ALK: variants seen among roughly 807,000 people sequenced by gnomAD.
The protein encoded by ALK is ALK receptor tyrosine kinase, also known as ALK tyrosine kinase receptor.
ALK carries 74 observed loss-of-function variants against 163.1 expected under a neutral mutation model. That is an observed-to-expected ratio of 0.45 (90% CI 0.38 to 0.55). The LOEUF (loss-of-function observed/expected upper bound fraction) is 0.55. Ranked by LOEUF, ALK falls within the 20% of genes least tolerant of loss-of-function variation. The pLI, the probability that ALK is intolerant of heterozygous loss-of-function variation, is 0.00. For missense variants in ALK, 2,063 were observed against 2,105.3 expected, an observed-to-expected ratio of 0.98 and a Z score of 0.39; for synonymous variants, 960 against 843.2, an observed-to-expected ratio of 1.14 and a Z score of -2.40.
At chr2:29,776,258 C>A (rs1681174019) in intron 1 of ALK, among the ~76,000 whole-genome samples, 2 of 146,948 alleles carry the variant, frequency 1.4e-5, no homozygotes, top group Admixed American at 6.7e-5. Context: ...AAAGAAGCTT[C>A]TTACTCCCAC....
At chr2:29,298,902 C>G (rs879651565) in intron 8 of ALK, among the ~76,000 whole-genome samples, 2 of 152,210 alleles carry the variant, frequency 1.3e-5, no homozygotes, top group African/African-American at 2.4e-5. Context: ...CTTTCCCCAG[C>G]ATCTCAGAGT....
chr2:29,584,627 T>C (rs1674828252), intron 3 of ALK, among the ~76,000 whole-genome samples: 1 of 152,210 alleles, frequency 6.6e-6, no homozygotes, highest in Non-Finnish European at 1.5e-5. Flanking sequence ...ATACTTTTCT[T>C]CACAGAGAAA....
intron 3 of ALK, among the ~76,000 whole-genome samples, chr2:29,603,249 A>G (rs542649873): frequency 2.0e-4 from 30 of 152,212 alleles, no homozygotes; most frequent in Non-Finnish European, 3.4e-4. Context: ...GTTTCAGCTA[A>G]TCTTGTCAGG....
intron 3 of ALK, among the ~76,000 whole-genome samples, chr2:29,582,271 T>A (rs928918007): frequency 3.3e-5 from 5 of 152,148 alleles, no homozygotes; most frequent in African/African-American, 1.2e-4. Flanking sequence ...AGGAGGAAGA[T>A]ATTTGAATAG....
intron 1 of ALK, among the ~76,000 whole-genome samples, chr2:29,773,235 C>CACAT (rs150326524): frequency 0.069 from 10,397 of 150,078 alleles, 1,210 homozygotes; most frequent in African/African-American, 0.24. Flanking sequence ...AGTAAATGTA[C>CACAT]ACACACACAC....
intron 1 of ALK, among the ~76,000 whole-genome samples, chr2:29,733,974 T>G (rs1433909511): frequency 6.6e-6 from 1 of 152,178 alleles, no homozygotes. Flanking sequence ...GTAGATGGCC[T>G]GAACTTGGAG....
chr2:29,710,446 A>T (rs1247368561), intron 2 of ALK, among the ~76,000 whole-genome samples: 2 of 150,576 alleles, frequency 1.3e-5, no homozygotes, highest in Non-Finnish European at 3.0e-5. Flanking sequence ...AACATCCTGG[A>T]TCTCCTCTGG....
chr2:29,437,533 C>T (rs1372871506), intron 4 of ALK, among the ~76,000 whole-genome samples: 2 of 152,176 alleles, frequency 1.3e-5, no homozygotes, highest in African/African-American at 4.8e-5. Context: ...AAATGCCAAA[C>T]ATCTTCTCTT....
intron 1 of ALK, among the ~76,000 whole-genome samples, chr2:29,727,055 C>T (rs143232472): frequency 2.0e-5 from 3 of 152,308 alleles, no homozygotes; most frequent in African/African-American, 4.8e-5. Flanking sequence ...CTGCATTCTC[C>T]TAACTGAGGA....
At chr2:29,262,553 C>T (rs1266878029) in intron 11 of ALK, among the ~76,000 whole-genome samples, 1 of 152,246 alleles carries the variant, frequency 6.6e-6, no homozygotes, top group African/African-American at 2.4e-5. Context: ...GAAATGCTCA[C>T]ACACATGATC....
At chr2:29,770,190 G>A (rs1488055717) in intron 1 of ALK, among the ~76,000 whole-genome samples, 1 of 147,684 alleles carries the variant, frequency 6.8e-6, no homozygotes, top group Non-Finnish European at 1.5e-5. Flanking sequence ...GAAGGAGTGA[G>A]TTTTTGTATC....
chr2:29,277,564 C>T (rs1665579144), intron 9 of ALK, among the ~76,000 whole-genome samples: 1 of 152,244 alleles, frequency 6.6e-6, no homozygotes. Context: ...TGGTTTGATT[C>T]TAAAGAAGAA....
At chr2:29,901,763 G>C (rs1019895073) in intron 1 of ALK, among the ~76,000 whole-genome samples, 1 of 152,228 alleles carries the variant, frequency 6.6e-6, no homozygotes, top group Non-Finnish European at 1.5e-5. Context: ...GGATTGGAGA[G>C]GGGGTCAGGA....
At chr2:29,788,596 C>T (rs768946539) in intron 1 of ALK, among the ~76,000 whole-genome samples, 1 of 152,278 alleles carries the variant, frequency 6.6e-6, no homozygotes, top group Non-Finnish European at 1.5e-5. Context: ...TCACAGGCAA[C>T]CGATGCAGAC....
At chr2:29,206,902 G>A (rs1669326461) in intron 26 of ALK, among the ~76,000 whole-genome samples, 1 of 151,984 alleles carries the variant, frequency 6.6e-6, no homozygotes, top group African/African-American at 2.4e-5. Context: ...CATCACTCTG[G>A]GACTTGTTAG....
chr2:29,692,146 T>C (rs1055070672), intron 3 of ALK, among the ~76,000 whole-genome samples: 3 of 152,152 alleles, frequency 2.0e-5, no homozygotes, highest in Admixed American at 2.0e-4. Flanking sequence ...CAGATTTCTA[T>C]GAAAATTGAA....
chr2:29,759,245 TTC>T (rs1680631559), intron 1 of ALK, among the ~76,000 whole-genome samples: 1 of 152,160 alleles, frequency 6.6e-6, no homozygotes, highest in Admixed American at 6.5e-5. Flanking sequence ...AACTGAGGTT[TTC>T]TGTCTGCCTT....
At chr2:29,220,462 T>G (rs1669770754) in intron 23 of ALK, among the ~76,000 whole-genome samples, 1 of 152,214 alleles carries the variant, frequency 6.6e-6, no homozygotes, top group African/African-American at 2.4e-5. Context: ...AATGCAAGAA[T>G]GGACTAATAC....
At chr2:29,211,119 T>TA (rs900831763) in intron 24 of ALK, among the ~76,000 whole-genome samples, 5 of 151,932 alleles carry the variant, frequency 3.3e-5, no homozygotes, top group Non-Finnish European at 7.4e-5. Context: ...GGATACTATT[T>TA]AAAAAAAAGG....
Sources: allele counts gnomAD v4.1 joint callset (sites outside exome capture counted in the v4.1 genomes callset), GRCh38; gene constraint gnomAD v4.1.1; transcripts MANE v1.5; gene names NCBI Gene and HGNC (gene_info 2026-07-23, HGNC 2026-07-21).